The following SYNGR1 variants were observed in gnomAD, a reference collection of about 807,000 sequenced individuals.
SYNGR1 encodes synaptogyrin 1, also known as synaptogyrin-1.
In SYNGR1, 14 loss-of-function variants were observed where a neutral mutation model predicts 26.1. The observed-to-expected ratio is 0.54, with a 90% CI of 0.35 to 0.84. The LOEUF (loss-of-function observed/expected upper bound fraction) is 0.84, where lower values mean the gene tolerates loss of function less well. SYNGR1 is among the 40% of genes least tolerant of loss of function. SYNGR1 has a pLI of 0.01. For missense variants in SYNGR1, 319 were observed against 332.9 expected, an observed-to-expected ratio of 0.96 and a Z score of 0.33; for synonymous variants, 141 against 150.1, an observed-to-expected ratio of 0.94 and a Z score of 0.44.
chr22:39,358,533 C>T (rs972085019), intron 1 of SYNGR1, among the ~76,000 whole-genome samples: 17 of 151,984 alleles, frequency 1.1e-4, no homozygotes, highest in African/African-American at 2.7e-4. Flanking sequence ...GCCAGCGAGA[C>T]CACGAGCCCA....
At chr22:39,364,882 G>A (rs1041400379) in intron 1 of SYNGR1, among the ~76,000 whole-genome samples, 1 of 152,054 alleles carries the variant, frequency 6.6e-6, no homozygotes, top group Non-Finnish European at 1.5e-5. Context: ...GTTTTTCTGA[G>A]TTTGACATAG....
Position 39,350,050 on chromosome 22 carries a change from G to T in SYNGR1, c.40G>T (p.Ala14Ser). ...GAYGAGKAGG[A>S]FDPYTLVRQP... ...GTACGGAGCGGGCAAAGCCGGGGGC[G>T]CCTTCGACCCCTACACCCTGGTCCG... Residue 14 changes from alanine to serine, a missense_variant, in exon 1 of 4, where the codon GCC (alanine) becomes TCC (serine). Transcript: ENST00000328933. The surrounding 1 kb of genome is among the most constrained non-coding windows in gnomAD (Gnocchi z 4.3). 1 of 1,427,382 alleles carries T rather than the reference G, an allele frequency of 7.0e-7. No homozygotes were observed. Among genetic ancestry groups the T allele is most frequent in the Non-Finnish European group, 9.3e-7 (1 of 1,073,466 alleles). The allele number at this position is 1,427,382 out of a possible 1,614,324, so 88.4% of individuals were successfully genotyped here. A position where few individuals can be genotyped will look rare whatever the true frequency, so the allele number is the denominator to read the frequency against.
rs74681509 is a variant in SYNGR1, at chr22:39,381,875, C to T, written c.663C>T (p.Phe221=). 2.7e-4 allele frequency: 443 copies of T among 1,612,834 alleles called. 3 individuals are homozygous for T. In the East Asian group the frequency reaches 4.3e-3, roughly 16 times the overall value. The change falls in exon 4 of 4, where the codon TTC becomes TTT. Residue 221 remains phenylalanine, a synonymous_variant. Coordinates refer to ENST00000328933, the MANE Select transcript of SYNGR1 (RefSeq NM_004711.5). The part of the protein sequence containing the change: ...GGTYQQPANT[F]DTEPQGYQSQ... ...CCTACCAGCAGCCGGCCAACACCTT[C>T]GACACCGAGCCCCAGGGCTACCAGT...
chr22:39,377,059 T>G (rs1224123302), intron 3 of SYNGR1: 1 of 1,550,598 alleles, frequency 6.4e-7, no homozygotes, highest in East Asian at 2.4e-5. Context: ...CCAAGAGCCC[T>G]CCCCATAACC....
At chr22:39,371,525 C>T (rs1925018722) in intron 1 of SYNGR1, among the ~76,000 whole-genome samples, 1 of 149,926 alleles carries the variant, frequency 6.7e-6, no homozygotes, top group Admixed American at 6.6e-5. Context: ...CATGGTGGCT[C>T]ACGCCCGTAA....
Position 39,384,894 on chromosome 22 carries a change from G to A in SYNGR1, c.*2980G>A, listed in dbSNP as rs1296423547. 2.5e-6 allele frequency: 1 copy of A among 398,824 alleles called. No homozygotes were observed. Among genetic ancestry groups the A allele is most frequent in the African/African-American group, 2.1e-5 (1 of 48,642 alleles). The allele number at this position is 398,824 out of a possible 1,614,324, so 24.7% of individuals were successfully genotyped here. On this transcript the variant is annotated 3_prime_UTR_variant, in exon 4 of 4. Coordinates refer to ENST00000328933, the MANE Select transcript of SYNGR1 (RefSeq NM_004711.5). ...CACAGAGGGAGAGGTTCAGGAGTCA[G>A]GTCTTCTGCCTTCTGAGTTGGCTCA...
intron 2 of SYNGR1, chr22:39,375,480 A>T: frequency 5.2e-6 from 1 of 192,296 alleles, no homozygotes; most frequent in Non-Finnish European, 1.1e-5. Context: ...CTCGGCTCTC[A>T]GTGGGCCCCT....
In SYNGR1 at chr22:39,381,934, C is replaced by T; in HGVS notation, c.*20C>T. On this transcript the variant is annotated 3_prime_UTR_variant, in exon 4 of 4. Transcript: ENST00000328933. ...TACTGAGCCACAGTGACCGCCTGCC[C>T]CCGCCCCTCCCCATCTGTCCCCTCT... The T allele has an allele frequency of 6.3e-7, 1 of 1,578,198 alleles. No homozygotes were observed. The highest frequency in any genetic ancestry group is 8.6e-7 in the Non-Finnish European group (1 of 1,163,258).
chr22:39,353,507 T>G (rs1382062558), intron 1 of SYNGR1, among the ~76,000 whole-genome samples: 1 of 152,252 alleles, frequency 6.6e-6, no homozygotes, highest in Non-Finnish European at 1.5e-5. Context: ...TGACTAAGGC[T>G]TTCTCACCTC....
Position 39,364,057 on chromosome 22 carries a change from C to T in SYNGR1, c.100-10259C>T, listed in dbSNP as rs2145616764. 9 of 1,445,848 alleles carry T rather than the reference C, an allele frequency of 6.2e-6. No homozygotes were observed. The South Asian group carries it at 1.1e-4, about 17-fold the overall frequency. 89.6% of individuals were successfully genotyped at this position (1,445,848 alleles called of 1,614,324 possible). On this transcript the variant is annotated intron_variant, in intron 1 of 3. Transcript: ENST00000328933. ...GCCCTGAGCCTTCGTTAGCCGACGC[C>T]CTGCAGTGGGTCCTAGGCACACCCT...
chr22:39,366,216 C>T (rs1924751191), intron 1 of SYNGR1, among the ~76,000 whole-genome samples: 1 of 146,686 alleles, frequency 6.8e-6, no homozygotes, highest in African/African-American at 2.5e-5. Flanking sequence ...AGTGATCACT[C>T]ACCCTCAAGT....
chr22:39,359,457 TAAA>T (rs34838867), intron 1 of SYNGR1, among the ~76,000 whole-genome samples: 1 of 144,102 alleles, frequency 6.9e-6, no homozygotes. Flanking sequence ...CCGTCTCTAC[TAAA>T]AAAAAAAAAA....
At chr22:39,374,602 G>A (rs1925189485) in intron 2 of SYNGR1, 49 bp downstream of exon 2, 1 of 1,590,450 alleles carries the variant, frequency 6.3e-7, no homozygotes. Flanking sequence ...ACAGAGGGCT[G>A]TCCCGGCCAT....
chr22:39,359,507 T>A (rs2014723612), intron 1 of SYNGR1, among the ~76,000 whole-genome samples: 1 of 151,186 alleles, frequency 6.6e-6, no homozygotes, highest in South Asian at 2.1e-4. Context: ...GGCGGGGGCC[T>A]GTAGTCCCAG....
At chr22:39,373,207 T>A (rs1269533424) in intron 1 of SYNGR1, among the ~76,000 whole-genome samples, 4 of 151,986 alleles carry the variant, frequency 2.6e-5, no homozygotes, top group African/African-American at 9.7e-5. Context: ...CTTGCTCTGT[T>A]GCCCAGGCTA....
chr22:39,380,740 C>T (rs528023761), intron 3 of SYNGR1, among the ~76,000 whole-genome samples: 1 of 150,690 alleles, frequency 6.6e-6, no homozygotes, highest in Admixed American at 6.6e-5. Context: ...CCTGCTTGCA[C>T]CTCCCGAGTA....
chr22:39,373,705 A>G (rs2051330270), intron 1 of SYNGR1, among the ~76,000 whole-genome samples: 3 of 151,564 alleles, frequency 2.0e-5, no homozygotes, highest in African/African-American at 4.9e-5. Flanking sequence ...CTGGTCTCCA[A>G]CTGCTGAGCT....
intron 1 of SYNGR1, among the ~76,000 whole-genome samples, chr22:39,365,649 G>T (rs1399046122): frequency 2.0e-5 from 3 of 151,702 alleles, no homozygotes; most frequent in Non-Finnish European, 4.4e-5. Context: ...CCTGCAGGGG[G>T]TTCAGGAGAC....
chr22:39,375,725 C>T (rs1018770022), intron 2 of SYNGR1: 12 of 592,708 alleles, frequency 2.0e-5, no homozygotes, highest in East Asian at 1.1e-4. Context: ...TGCAGAAATG[C>T]GGCCTGAGTT....
Sources: allele counts gnomAD v4.1 joint callset (sites outside exome capture counted in the v4.1 genomes callset), GRCh38; gene constraint gnomAD v4.1.1; non-coding constraint Gnocchi (gnomAD v3.1); transcripts MANE v1.5; gene names NCBI Gene and HGNC (gene_info 2026-07-23, HGNC 2026-07-21).